Variants in NFIB observed in about 807,000 individuals in gnomAD.
The protein encoded by NFIB is nuclear factor 1 B-type.
In NFIB, 11 loss-of-function variants were observed where a neutral mutation model predicts 61.5. The observed-to-expected ratio is 0.18, with a 90% CI of 0.11 to 0.30. The LOEUF is 0.30. NFIB is among the 10% of genes least tolerant of loss of function. NFIB has a pLI of 1.00. For synonymous variants in NFIB, 260 were observed against 216.5 expected (o/e 1.20, Z -1.76); for missense variants, 471 against 608.9 (o/e 0.77, Z 2.38).
At chr9:14,169,631 G>T (rs763228054) in intron 3 of NFIB, among the ~76,000 whole-genome samples, 1 of 152,258 alleles carries the variant, frequency 6.6e-6, no homozygotes, top group South Asian at 2.1e-4. Context: ...GACCAGCCTG[G>T]CCAACATGGC....
At chr9:14,125,520 T>C (rs1563810067) in intron 7 of NFIB, 112 bp downstream of exon 7, 16 of 1,422,904 alleles carry the variant, frequency 1.1e-5, no homozygotes, top group Non-Finnish European at 1.3e-5. Context: ...ACCATATGGG[T>C]TGAGAAAATA....
intron 2 of NFIB, among the ~76,000 whole-genome samples, chr9:14,268,288 C>A (rs2057361220): frequency 6.6e-6 from 1 of 152,116 alleles, no homozygotes; most frequent in African/African-American, 2.4e-5. Flanking sequence ...TTCTAAAGGA[C>A]CACCTAAATA....
chr9:14,427,934 G>GTTTTT, the NFIB span, among the ~76,000 whole-genome samples: 233 of 25,934 alleles, frequency 9.0e-3, 4 homozygotes, highest in Non-Finnish European at 0.013. Context: ...CTTTAATTCA[G>GTTTTT]TTGTTTTTTT....
the NFIB span, among the ~76,000 whole-genome samples, chr9:14,432,125 G>C: frequency 6.6e-6 from 1 of 152,172 alleles, no homozygotes; most frequent in Non-Finnish European, 1.5e-5. Context: ...CAGTTGATTG[G>C]TCCAGTGATG....
At chr9:14,428,209 G>A in the NFIB span, among the ~76,000 whole-genome samples, 2 of 151,998 alleles carry the variant, frequency 1.3e-5, no homozygotes, top group East Asian at 3.9e-4. Context: ...GCCTCCCAAA[G>A]TGCTGGGATT....
At chr9:14,348,108 G>C (rs1394686149) in intron 1 of NFIB, among the ~76,000 whole-genome samples, 1 of 152,236 alleles carries the variant, frequency 6.6e-6, no homozygotes, top group East Asian at 1.9e-4. Flanking sequence ...CTGCACCCTG[G>C]GAAGGAAATG....
the NFIB span, among the ~76,000 whole-genome samples, chr9:14,530,285 T>C: frequency 4.6e-5 from 7 of 152,298 alleles, no homozygotes; most frequent in East Asian, 3.9e-4. Flanking sequence ...GATTTCACCA[T>C]GTACACGCAC....
intron 2 of NFIB, among the ~76,000 whole-genome samples, chr9:14,183,424 G>A (rs1261722713): frequency 1.3e-5 from 2 of 149,012 alleles, no homozygotes; most frequent in Non-Finnish European, 3.0e-5. Context: ...TTTTTTTTGA[G>A]ACAGAGTCTT....
At chr9:14,502,922 T>C in the NFIB span, among the ~76,000 whole-genome samples, 1 of 152,074 alleles carries the variant, frequency 6.6e-6, no homozygotes, top group African/African-American at 2.4e-5. Flanking sequence ...ATCATTCTTA[T>C]GCCTTTGTGT....
chr9:14,392,046 G>A (rs1352407331), intron 1 of NFIB, among the ~76,000 whole-genome samples: 3 of 151,974 alleles, frequency 2.0e-5, no homozygotes, highest in Non-Finnish European at 2.9e-5. Context: ...CCATCACCCG[G>A]TATAATCATG....
intron 1 of NFIB, among the ~76,000 whole-genome samples, chr9:14,380,226 T>C (rs1380095658): frequency 6.6e-6 from 1 of 152,212 alleles, no homozygotes; most frequent in Non-Finnish European, 1.5e-5. Context: ...TCTGCAATGC[T>C]TCTGGGTCTT....
chr9:14,531,666 TGTACCATTTGCA>T, the NFIB span, among the ~76,000 whole-genome samples: 1 of 146,100 alleles, frequency 6.8e-6, no homozygotes, highest in Admixed American at 7.0e-5. Flanking sequence ...TGGGACCGAC[TGTACCATTTGCA>T]TTTTTCTTTA....
At chr9:14,277,379 CATT>C (rs1302666749) in intron 2 of NFIB, among the ~76,000 whole-genome samples, 1 of 151,488 alleles carries the variant, frequency 6.6e-6, no homozygotes, top group Non-Finnish European at 1.5e-5. Context: ...ATTTTTGAAT[CATT>C]AAGTCATTTG....
the NFIB span, among the ~76,000 whole-genome samples, chr9:14,466,159 G>T: frequency 2.0e-5 from 3 of 152,146 alleles, no homozygotes; most frequent in Non-Finnish European, 4.4e-5. Flanking sequence ...CAGCCTTTAT[G>T]AAGAAAGGAA....
At chr9:14,513,030 T>A in the NFIB span, among the ~76,000 whole-genome samples, 6 of 152,088 alleles carry the variant, frequency 3.9e-5, no homozygotes, top group African/African-American at 7.2e-5. Context: ...TAGACCCAAG[T>A]TTTTGTAGCT....
the NFIB span, among the ~76,000 whole-genome samples, chr9:14,471,622 T>C: frequency 6.6e-6 from 1 of 152,236 alleles, no homozygotes; most frequent in South Asian, 2.1e-4. Flanking sequence ...CTTATCTACA[T>C]AGTTCCCTTT....
chr9:14,229,746 C>T (rs1028928272), intron 2 of NFIB, among the ~76,000 whole-genome samples: 1 of 152,174 alleles, frequency 6.6e-6, no homozygotes, highest in African/African-American at 2.4e-5. Flanking sequence ...CTGAGCCAAC[C>T]ATCTTAGACC....
chr9:14,371,300 A>G (rs2061356161), intron 1 of NFIB, among the ~76,000 whole-genome samples: 1 of 152,208 alleles, frequency 6.6e-6, no homozygotes, highest in Non-Finnish European at 1.5e-5. Context: ...AGGAGAAAAC[A>G]CTAGTATAAA....
chr9:14,380,946 T>A lies in NFIB; in HGVS notation c.108+17578A>T, dbSNP rs630973. Among the ~76,000 whole-genome samples the A allele has an allele frequency of 2.0e-5, 3 of 151,560 alleles. No homozygotes were observed. In the East Asian group the frequency reaches 6.0e-4, roughly 30 times the overall value. ...CTCCTCCATACTGAGTGGAGGCCCC[T>A]GTTCCCTAACCTTAAATTTTCCTCC... On this transcript the variant is annotated intron_variant, in intron 1 of 8. Coordinates refer to the NFIB transcript ENST00000380934.
Sources: gnomAD v4.1 joint callset for allele counts (sites outside exome capture counted in the v4.1 genomes callset) on GRCh38, gnomAD v4.1.1 for gene constraint, MANE v1.5 for transcripts, NCBI Gene and HGNC (gene_info 2026-07-23, HGNC 2026-07-21) for gene names.